The following DLGAP1 variants were observed in gnomAD, a reference collection of about 807,000 sequenced individuals.
DLGAP1 encodes disks large-associated protein 1.
DLGAP1 carries 11 observed loss-of-function variants against 90.8 expected under a neutral mutation model. That is an observed-to-expected ratio of 0.12 (90% confidence interval 0.08 to 0.20). The LOEUF is 0.20. Ranked by LOEUF, DLGAP1 falls within the 10% of genes least tolerant of loss-of-function variation. The pLI is 1.00. For synonymous variants in DLGAP1, 558 were observed against 540.7 expected (o/e 1.03, Z -0.44); for missense variants, 1,050 against 1,333.8 (o/e 0.79, Z 3.31).
At chr18:4,070,458 C>G (rs751562228) in intron 2 of DLGAP1, among the ~76,000 whole-genome samples, 1 of 151,958 alleles carries the variant, frequency 6.6e-6, no homozygotes, top group African/African-American at 2.4e-5. Flanking sequence ...AAGAGAATAT[C>G]GGTTTTGGAA....
chr18:3,937,084 C>T (rs1016748634), intron 3 of DLGAP1, among the ~76,000 whole-genome samples: 17 of 152,130 alleles, frequency 1.1e-4, no homozygotes, highest in African/African-American at 3.9e-4. Flanking sequence ...CCTGGAGAGG[C>T]CAGCTTCTGA....
intron 6 of DLGAP1, among the ~76,000 whole-genome samples, chr18:3,740,790 C>G (rs1163056096): frequency 2.6e-5 from 4 of 151,050 alleles, no homozygotes; most frequent in African/African-American, 9.8e-5. Context: ...ATCACAACCA[C>G]CATCATAACC....
intron 1 of DLGAP1, among the ~76,000 whole-genome samples, chr18:4,185,297 G>T (rs542975534): frequency 6.6e-6 from 1 of 151,278 alleles, no homozygotes; most frequent in Admixed American, 6.6e-5. Flanking sequence ...AGGTTCAGGG[G>T]TCCACGTGCA....
intron 7 of DLGAP1, among the ~76,000 whole-genome samples, chr18:3,691,053 C>A (rs2060876597): frequency 6.6e-6 from 1 of 152,200 alleles, no homozygotes; most frequent in Non-Finnish European, 1.5e-5. Context: ...CACATAAAGA[C>A]CATTCCTGAC....
intron 5 of DLGAP1, among the ~76,000 whole-genome samples, chr18:3,743,395 C>A (rs1488833725): frequency 6.6e-6 from 1 of 151,122 alleles, no homozygotes; most frequent in Non-Finnish European, 1.5e-5. Context: ...TGCTGTGTCA[C>A]CCAGGCTGGA....
At chr18:3,796,947 T>C (rs1476148427) in intron 5 of DLGAP1, among the ~76,000 whole-genome samples, 1 of 152,176 alleles carries the variant, frequency 6.6e-6, no homozygotes, top group East Asian at 1.9e-4. Flanking sequence ...CCCAGTGTGA[T>C]GGTATCTGGA....
At chr18:4,003,133 C>T (rs149418534) in intron 3 of DLGAP1, among the ~76,000 whole-genome samples, 182 of 152,248 alleles carry the variant, frequency 1.2e-3, no homozygotes, top group African/African-American at 4.2e-3. Flanking sequence ...CATGACCCCT[C>T]GTGGGAACAT....
chr18:4,029,578 G>A (rs182924092), intron 2 of DLGAP1, among the ~76,000 whole-genome samples: 1 of 152,264 alleles, frequency 6.6e-6, no homozygotes. Context: ...GCCTATCCTT[G>A]TATTTTATAC....
At chr18:4,049,576 A>T (rs185923310) in intron 2 of DLGAP1, among the ~76,000 whole-genome samples, 1 of 152,218 alleles carries the variant, frequency 6.6e-6, no homozygotes, top group East Asian at 1.9e-4. Flanking sequence ...CAGTTTCCTT[A>T]GGGAATTCCT....
chr18:4,195,406 T>C (rs2077478637), intron 1 of DLGAP1, among the ~76,000 whole-genome samples: 1 of 152,180 alleles, frequency 6.6e-6, no homozygotes, highest in African/African-American at 2.4e-5. Flanking sequence ...AGTAGGGACT[T>C]TGTTGTCTGG....
intron 7 of DLGAP1, among the ~76,000 whole-genome samples, chr18:3,659,277 T>C (rs982781687): frequency 4.6e-5 from 7 of 152,100 alleles, no homozygotes; most frequent in Admixed American, 2.0e-4. Context: ...TTGATGTTGA[T>C]ATTAAAAAGC....
At chr18:3,914,565 T>C (rs1468279386) in intron 3 of DLGAP1, among the ~76,000 whole-genome samples, 3 of 152,208 alleles carry the variant, frequency 2.0e-5, no homozygotes, top group African/African-American at 7.2e-5. Context: ...ATCTTGGAAG[T>C]TGGATATATC....
intron 7 of DLGAP1, among the ~76,000 whole-genome samples, chr18:3,616,054 A>G (rs148924843): frequency 6.6e-6 from 1 of 152,192 alleles, no homozygotes; most frequent in Non-Finnish European, 1.5e-5. Context: ...GAGAAATGAA[A>G]TTGTATACTT....
In DLGAP1 at chr18:4,064,690, G is replaced by A. The variant is rs191633932; in HGVS notation, c.-158-59489C>T. Reference sequence around the variant, plus strand: ...AGACTCATAATCAGTTCTGACTGAAGTAGTAATAAATAGCCTACCAATAAA... The same window carrying A: ...AGACTCATAATCAGTTCTGACTGAAATAGTAATAAATAGCCTACCAATAAA... On this transcript the variant is annotated intron_variant, in intron 2 of 12. Transcript: ENST00000315677. Among the ~76,000 whole-genome samples the A allele has an allele frequency of 7.9e-5, 12 of 152,028 alleles. No homozygotes were observed. The East Asian group carries it at 2.3e-3, about 29-fold the overall frequency.
At chr18:4,318,274 C>T (rs899399370) in intron 1 of DLGAP1, among the ~76,000 whole-genome samples, 3 of 152,188 alleles carry the variant, frequency 2.0e-5, no homozygotes, top group African/African-American at 7.2e-5. Flanking sequence ...GTGGCTTCAC[C>T]ATTCATAGCT....
chr18:3,562,614 G>A (rs1345456340), intron 9 of DLGAP1, among the ~76,000 whole-genome samples: 6 of 144,214 alleles, frequency 4.2e-5, no homozygotes, highest in South Asian at 2.2e-4. Context: ...GCGTGATCTC[G>A]GCTCACTGCA....
intron 2 of DLGAP1, among the ~76,000 whole-genome samples, chr18:4,116,725 A>G (rs2076069541): frequency 6.6e-6 from 1 of 151,898 alleles, no homozygotes; most frequent in Non-Finnish European, 1.5e-5. Flanking sequence ...TTTTACTGGC[A>G]TTTTCTATTT....
At chr18:3,587,963 T>G (rs1302363063) in intron 7 of DLGAP1, among the ~76,000 whole-genome samples, 1 of 152,278 alleles carries the variant, frequency 6.6e-6, no homozygotes, top group Non-Finnish European at 1.5e-5. Context: ...GTATTTTTTA[T>G]CACCATTACT....
chr18:4,333,549 A>C (rs1164306285), intron 1 of DLGAP1, among the ~76,000 whole-genome samples: 1 of 151,552 alleles, frequency 6.6e-6, no homozygotes, highest in African/African-American at 2.4e-5. Flanking sequence ...AAAAAAAAAG[A>C]AGCATTTTCT....
Sources: allele counts gnomAD v4.1 joint callset (sites outside exome capture counted in the v4.1 genomes callset), GRCh38; gene constraint gnomAD v4.1.1; transcripts MANE v1.5; gene names NCBI Gene and HGNC (gene_info 2026-07-23, HGNC 2026-07-21).